Variants in WSCD1 observed in about 807,000 individuals in gnomAD.
The protein encoded by WSCD1 is sialate:O-sulfotransferase 1.
Under a neutral mutation model 60.4 loss-of-function variants are expected in WSCD1, and 41 were observed. The ratio of observed to expected loss-of-function variants is 0.68; its 90% confidence interval spans 0.53 to 0.88. The LOEUF (loss-of-function observed/expected upper bound fraction) is 0.88, where lower values mean the gene tolerates loss of function less well. WSCD1 is among the 40% of genes least tolerant of loss of function. WSCD1 has a pLI of 0.00. For synonymous variants in WSCD1, 361 were observed against 332.5 expected (o/e 1.09, Z -0.93); for missense variants, 784 against 796.2 (o/e 0.98, Z 0.18).
At chr17:6,069,205 C>T (rs1372499789), upstream of WSCD1, 4 of 398,574 alleles carry the variant, frequency 1.0e-5, no homozygotes, top group Non-Finnish European at 1.3e-5. Flanking sequence ...CAGCCAGCTC[C>T]GGGTGAGGAC....
chr17:6,090,621 C>A, intron 4 of WSCD1, 116 bp downstream of exon 4: 1 of 1,372,516 alleles, frequency 7.3e-7, no homozygotes, highest in Non-Finnish European at 9.8e-7. Context: ...CAACCTCTGC[C>A]CTCCCTTCCC....
At chr17:6,085,313 A>G (rs1909560555) in intron 2 of WSCD1, among the ~76,000 whole-genome samples, 1 of 152,218 alleles carries the variant, frequency 6.6e-6, no homozygotes, top group South Asian at 2.1e-4. Context: ...GTTTCTGGGA[A>G]GAAAAGTAAT....
At chr17:6,073,711 C>G (rs1448017330) in intron 1 of WSCD1, among the ~76,000 whole-genome samples, 1 of 152,228 alleles carries the variant, frequency 6.6e-6, no homozygotes, top group East Asian at 1.9e-4. Flanking sequence ...GTGAGAAAGG[C>G]TCCAAATCAG....
chr17:6,120,298 C>A lies in WSCD1; in HGVS notation c.1376-11C>A, dbSNP rs773824215. On this transcript the variant is annotated splice_polypyrimidine_tract_variant and intron_variant, in intron 8 of 8. Transcript: ENST00000317744. ...GCCCCCGACTCTGCATCTCTCCTGT[C>A]CTCACTCTAGAGTGGCCGGACTTTG... The A allele has an allele frequency of 6.2e-7, 1 of 1,609,906 alleles. No homozygotes were observed. Among genetic ancestry groups the A allele is most frequent in the Admixed American group, 1.7e-5 (1 of 59,870 alleles).
Position 6,075,352 on chromosome 17 carries a change from A to G in WSCD1, c.-289+4700A>G, listed in dbSNP as rs1908782692. ...AGTGGCCACTGGCTGCACCTGGGCC[A>G]GCTCCGAGTTCTATCTTGCAGCCCC... On this transcript the variant is annotated intron_variant, in intron 1 of 8. Coordinates refer to ENST00000317744, the MANE Select transcript of WSCD1 (RefSeq NM_015253.2). This position sits in a 1 kb window ranked among gnomAD's most constrained non-coding sequence, Gnocchi z 4.1. Among the ~76,000 whole-genome samples the G allele has an allele frequency of 6.6e-6, 1 of 152,078 alleles. No individual in the cohort carries two copies. Among genetic ancestry groups the G allele is most frequent in the African/African-American group, 2.4e-5 (1 of 41,388 alleles).
At chr17:6,096,048 C>T (rs967805498) in intron 5 of WSCD1, among the ~76,000 whole-genome samples, 4 of 152,180 alleles carry the variant, frequency 2.6e-5, no homozygotes, top group African/African-American at 4.8e-5. Context: ...ATGATGATGA[C>T]GATTATGACA....
intron 1 of WSCD1, among the ~76,000 whole-genome samples, chr17:6,073,073 G>A (rs182388068): frequency 2.7e-4 from 41 of 152,280 alleles, no homozygotes; most frequent in Admixed American, 2.6e-4. Flanking sequence ...TGAGGGGGTC[G>A]AGAGTATTCT....
At chr17:6,073,676 A>G (rs1908678911) in intron 1 of WSCD1, among the ~76,000 whole-genome samples, 2 of 152,364 alleles carry the variant, frequency 1.3e-5, no homozygotes, top group South Asian at 2.1e-4. Context: ...TAGGCTGGAA[A>G]AGGTTGCGAC....
At chr17:6,113,851 A>T (rs1295694070) in intron 7 of WSCD1, among the ~76,000 whole-genome samples, 5 of 152,156 alleles carry the variant, frequency 3.3e-5, no homozygotes, top group African/African-American at 1.2e-4. Context: ...CAAGTGTTGG[A>T]GAGGATGTGG....
chr17:6,111,789 A>T (rs1256749111), intron 7 of WSCD1, among the ~76,000 whole-genome samples: 1 of 152,040 alleles, frequency 6.6e-6, no homozygotes, highest in Non-Finnish European at 1.5e-5. Flanking sequence ...CCCAAAGAAA[A>T]GGAAATGTAT....
rs374041190 is a variant in WSCD1 at position 6,119,720 on chromosome 17, A to C, written c.1376-589A>C. Among the ~76,000 whole-genome samples the C allele has an allele frequency of 7.2e-5, 11 of 152,290 alleles. No individual in the cohort carries two copies. In the South Asian group the frequency reaches 1.7e-3, roughly 23 times the overall value. On this transcript the variant is annotated intron_variant, in intron 8 of 8. Coordinates refer to ENST00000317744, the MANE Select transcript of WSCD1 (RefSeq NM_015253.2). ...CTTCTGAGCCTGTTTTCTCACATTAAAAACAAGGATAGGCCCTGTCTCCTA... is the reference window on the plus strand; with the variant it reads ...CTTCTGAGCCTGTTTTCTCACATTACAAACAAGGATAGGCCCTGTCTCCTA...
chr17:6,069,740 C>T (rs143396877), upstream of WSCD1, among the ~76,000 whole-genome samples: 85 of 148,294 alleles, frequency 5.7e-4, no homozygotes, highest in African/African-American at 1.9e-3. Context: ...AAGCTGTGAC[C>T]GTCTGTCTCT....
At chr17:6,100,831 C>G (rs529994087) in intron 5 of WSCD1, among the ~76,000 whole-genome samples, 1 of 152,336 alleles carries the variant, frequency 6.6e-6, no homozygotes, top group East Asian at 1.9e-4. Context: ...GGAGAGCCAC[C>G]TGAAGATGCC....
chr17:6,122,119 A>T lies in WSCD1; in HGVS notation c.*1458A>T, dbSNP rs1408401988. The stretch of plus-strand genomic sequence containing the variant: ...GCCTGAGCCAAGCTGCATTGGGAGG[A>T]GAAGGCAGGGTGAGGGATCTGGGAG... On this transcript the variant is annotated 3_prime_UTR_variant, in exon 9 of 9. Coordinates refer to ENST00000317744, the MANE Select transcript of WSCD1 (RefSeq NM_015253.2). 1 of 152,400 alleles carries T rather than the reference A, an allele frequency of 6.6e-6. No individual in the cohort carries two copies. The highest frequency in any genetic ancestry group is 1.5e-5 in the Non-Finnish European group (1 of 68,210). The allele number at this position is 152,400 out of a possible 1,614,324, so 9.4% of individuals were successfully genotyped here. A position where few individuals can be genotyped will look rare whatever the true frequency, so the allele number is the denominator to read the frequency against.
intron 5 of WSCD1, among the ~76,000 whole-genome samples, chr17:6,105,600 C>G (rs778018854): frequency 6.6e-6 from 1 of 152,176 alleles, no homozygotes; most frequent in Non-Finnish European, 1.5e-5. Context: ...AATAAAACCA[C>G]ATTACTGTCT....
Position 6,080,833 on chromosome 17 carries a change from G to A in WSCD1, c.175G>A (p.Ala59Thr), listed in dbSNP as rs748260054. 6.8e-6 allele frequency: 11 copies of A among 1,607,692 alleles called. No individual in the cohort carries two copies. The highest frequency in any genetic ancestry group is 4.5e-5 in the East Asian group (2 of 44,734). The change falls in exon 2 of 9, where the codon GCC becomes ACC. Residue 59 changes from alanine to threonine, a missense_variant. Ala to Thr is a moderately conservative substitution (Grantham distance 58, BLOSUM62 0). Coordinates refer to ENST00000317744, the MANE Select transcript of WSCD1 (RefSeq NM_015253.2). This position sits in a 1 kb window ranked among gnomAD's most constrained non-coding sequence, Gnocchi z 6.6. ...PGPLQTLPVA[A>T]VALGVGLLDS... ...CCCCCTGCAGACCTTGCCAGTGGCC[G>A]CCGTGGCGCTGGGCGTGGGCTTGCT...
chr17:6,092,929 T>C (rs573629288), intron 4 of WSCD1, among the ~76,000 whole-genome samples: 1 of 152,290 alleles, frequency 6.6e-6, no homozygotes, highest in East Asian at 1.9e-4. Flanking sequence ...ACCTTTGCCT[T>C]CCTGCCCCCT....
At chr17:6,094,528 A>G in intron 4 of WSCD1, among the ~76,000 whole-genome samples, 1 of 148,554 alleles carries the variant, frequency 6.7e-6, no homozygotes. Context: ...AGCACCATCC[A>G]AATTTGTTGA....
In WSCD1 at chr17:6,102,821, C is replaced by CT. The variant is rs201302513; in HGVS notation, c.850-6777dup. On this transcript the variant is annotated intron_variant, in intron 5 of 8. Coordinates refer to ENST00000317744, the MANE Select transcript of WSCD1 (RefSeq NM_015253.2). Reference sequence around the variant, plus strand: ...GAGGGACATTTAGGCCATTTCCTTTCTTTTTTTTTCTTTTTCCTTATTGCT... The same window carrying CT: ...GAGGGACATTTAGGCCATTTCCTTTCTTTTTTTTTTCTTTTTCCTTATTGCT... Among the ~76,000 whole-genome samples, 973 of 151,706 alleles carry CT rather than the reference C, an allele frequency of 6.4e-3. 17 individuals carry two copies. Among genetic ancestry groups the CT allele is most frequent in the African/African-American group, 0.022 (907 of 41,368 alleles).
Sources: gnomAD v4.1 joint callset for allele counts (sites outside exome capture counted in the v4.1 genomes callset) on GRCh38, gnomAD v4.1.1 for gene constraint, Gnocchi (gnomAD v3.1) non-coding constraint, MANE v1.5 for transcripts, NCBI Gene and HGNC (gene_info 2026-07-23, HGNC 2026-07-21) for gene names.